Variants in ADAM10 observed in about 807,000 individuals in gnomAD.
ADAM10 encodes ADAM metallopeptidase domain 10.
ADAM10 carries 17 observed loss-of-function variants against 90.1 expected under a neutral mutation model. The observed-to-expected ratio is 0.19, with a 90% CI of 0.13 to 0.28. The LOEUF (loss-of-function observed/expected upper bound fraction) is 0.28. ADAM10 is among the 10% of genes least tolerant of loss of function. The probability of loss-of-function intolerance (pLI) is 1.00; values close to 1 mark genes in which losing one functional copy is unlikely to be tolerated. For missense variants in ADAM10, 610 were observed against 914.3 expected, an observed-to-expected ratio of 0.67 and a Z score of 4.29; for synonymous variants, 310 against 298.6, an observed-to-expected ratio of 1.04 and a Z score of -0.40.
chr15:58,651,265 ACT>A (rs1361398260), intron 5 of ADAM10, among the ~76,000 whole-genome samples: 1 of 151,982 alleles, frequency 6.6e-6, no homozygotes, highest in Non-Finnish European at 1.5e-5. Context: ...ATACAATTAC[ACT>A]CTTTTAGTTA....
intron 2 of ADAM10, among the ~76,000 whole-genome samples, chr15:58,701,132 T>G (rs1898125526): frequency 6.6e-6 from 1 of 150,748 alleles, no homozygotes; most frequent in Non-Finnish European, 1.5e-5. Flanking sequence ...AATGACCACT[T>G]GCTAATCAAG....
chr15:58,721,591 G>A (rs1241232167), intron 1 of ADAM10, among the ~76,000 whole-genome samples: 2 of 152,130 alleles, frequency 1.3e-5, no homozygotes, highest in Non-Finnish European at 2.9e-5. Context: ...CAAACTTCAA[G>A]AACTGAAATC....
rs1255068816 is a variant in ADAM10, at chr15:58,610,052, C to G, written c.2025+245G>C. 7.8e-6 allele frequency: 4 copies of G among 510,232 alleles called. No homozygotes were observed. The African/African-American group carries it at 7.9e-5, about 10-fold the overall frequency. 31.6% of individuals were successfully genotyped at this position (510,232 alleles called of 1,614,324 possible). ...AGAAGTAACCCATCCAGGAGATGAA[C>G]TAAGGAGCACGGTAAAACAGAATGA... On this transcript the variant is annotated intron_variant, in intron 14 of 15. Coordinates refer to ENST00000260408, the MANE Select transcript of ADAM10 (RefSeq NM_001110.4).
chr15:58,722,762 G>C (rs369607948), intron 1 of ADAM10, among the ~76,000 whole-genome samples: 17 of 120,076 alleles, frequency 1.4e-4, no homozygotes, highest in African/African-American at 4.6e-4. Context: ...GACAAGGTCT[G>C]ACTTTGTTGC....
intron 2 of ADAM10, among the ~76,000 whole-genome samples, chr15:58,706,916 G>A (rs575961940): frequency 1.8e-4 from 27 of 151,248 alleles, no homozygotes; most frequent in Non-Finnish European, 3.7e-4. Context: ...GGCTGAGGCA[G>A]GAGAATCGCT....
At position 58,749,633 on chromosome 15, in the gene ADAM10, C is replaced by A; in HGVS notation, c.-99G>T. ...GAAGGGGCTTGGTCCGGAGCCTCCA[C>A]GGGAAGCCGGGACCTCCCCTGGCAG... On this transcript the variant is annotated 5_prime_UTR_variant, in exon 1 of 16. Transcript: ENST00000260408. 6.5e-7 allele frequency: 1 copy of A among 1,530,826 alleles called. No individual in the cohort carries two copies. The highest frequency in any genetic ancestry group is 1.2e-5 in the South Asian group (1 of 82,594). The allele number at this position is 1,530,826 out of a possible 1,614,324, so 94.8% of individuals were successfully genotyped here.
intron 1 of ADAM10, chr15:58,748,565 T>A (rs1390891238): frequency 5.1e-6 from 1 of 196,058 alleles, no homozygotes; most frequent in Non-Finnish European, 1.0e-5. Flanking sequence ...TTGACTTTCA[T>A]GTGCAGGGGG....
At chr15:58,688,376 AC>A (rs1897666511) in intron 2 of ADAM10, among the ~76,000 whole-genome samples, 1 of 152,090 alleles carries the variant, frequency 6.6e-6, no homozygotes, top group African/African-American at 2.4e-5. Context: ...TTTAAAAAAA[AC>A]AAACAACGAC....
rs112656041 is a variant in ADAM10, at chr15:58,692,041, G to T, written c.207-9727C>A. On this transcript the variant is annotated intron_variant, in intron 2 of 15. Transcript: ENST00000260408. ...TTTGCTCTGCTGGAGCATTTCCCGG[G>T]AGATGTTTGGGGAAAGATCCTTAAG... The T allele has an allele frequency of 4.3e-3, 1,991 of 467,186 alleles. 30 individuals are homozygous for T. Among genetic ancestry groups the T allele is most frequent in the African/African-American group, 0.034 (1,735 of 50,390 alleles). The allele number at this position is 467,186 out of a possible 1,614,324, so 28.9% of individuals were successfully genotyped here.
intron 10 of ADAM10, among the ~76,000 whole-genome samples, chr15:58,623,999 G>C (rs1895863996): frequency 6.6e-6 from 1 of 150,570 alleles, no homozygotes; most frequent in Non-Finnish European, 1.5e-5. Flanking sequence ...AAAAAAAAAG[G>C]GGGGGCCAGG....
chr15:58,696,093 G>T (rs1897970855), intron 2 of ADAM10, among the ~76,000 whole-genome samples: 1 of 152,048 alleles, frequency 6.6e-6, no homozygotes, highest in Non-Finnish European at 1.5e-5. Flanking sequence ...TCCAGCCTGG[G>T]CAACAAGAGT....
At chr15:58,682,645 C>G (rs1223434304) in intron 2 of ADAM10, among the ~76,000 whole-genome samples, 3 of 152,168 alleles carry the variant, frequency 2.0e-5, no homozygotes, top group African/African-American at 7.2e-5. Flanking sequence ...GACCCAATTA[C>G]TATTATCTAC....
At chr15:58,715,254 T>C (rs1223637720) in intron 2 of ADAM10, among the ~76,000 whole-genome samples, 1 of 151,856 alleles carries the variant, frequency 6.6e-6, no homozygotes, top group Non-Finnish European at 1.5e-5. Context: ...AAACCCCGTC[T>C]CTACTAAAAA....
At chr15:58,709,894 A>G (rs1898418982) in intron 2 of ADAM10, among the ~76,000 whole-genome samples, 2 of 152,156 alleles carry the variant, frequency 1.3e-5, no homozygotes, top group South Asian at 4.1e-4. Context: ...TTTTCAAAGG[A>G]GGAGGGAGAA....
chr15:58,667,523 T>C (rs1331663816), intron 4 of ADAM10, among the ~76,000 whole-genome samples: 1 of 152,152 alleles, frequency 6.6e-6, no homozygotes, highest in Non-Finnish European at 1.5e-5. Flanking sequence ...CAAAACTGGA[T>C]GGTAATCCCT....
intron 2 of ADAM10, among the ~76,000 whole-genome samples, chr15:58,715,770 A>G (rs1898639899): frequency 6.6e-6 from 1 of 152,198 alleles, no homozygotes; most frequent in Non-Finnish European, 1.5e-5. Context: ...ACACACACAA[A>G]GGAGCTAGGG....
intron 11 of ADAM10, 106 bp downstream of exon 11, chr15:58,621,365 A>C: frequency 7.1e-7 from 1 of 1,414,106 alleles, no homozygotes; most frequent in Non-Finnish European, 1.0e-6. Context: ...AGATAAAAGC[A>C]AAGTTTCAAA....
At chr15:58,691,678 T>TTC (rs1686447178) in intron 2 of ADAM10, 1 of 98,360 alleles carries the variant, frequency 1.0e-5, no homozygotes, top group African/African-American at 4.8e-5. Flanking sequence ...TTCTTCTTCT[T>TTC]TTTTTTTTTT....
chr15:58,600,061 A>G (rs2140987428), intron 14 of ADAM10, among the ~76,000 whole-genome samples: 1 of 152,154 alleles, frequency 6.6e-6, no homozygotes, highest in African/African-American at 2.4e-5. Context: ...GTTATATTGC[A>G]TTTTCCCATG....
Sources: gnomAD v4.1 joint callset for allele counts (sites outside exome capture counted in the v4.1 genomes callset) on GRCh38, gnomAD v4.1.1 for gene constraint, MANE v1.5 for transcripts, NCBI Gene and HGNC (gene_info 2026-07-23, HGNC 2026-07-21) for gene names.